The following NDUFA7 variants were observed in gnomAD, a reference collection of about 807,000 sequenced individuals.
NDUFA7 encodes the protein NADH:ubiquinone oxidoreductase subunit A7, also known as NADH dehydrogenase [ubiquinone] 1 alpha subcomplex subunit 7.
A neutral mutation model predicts 14.2 loss-of-function variants in NDUFA7; 18 were observed. The ratio of observed to expected loss-of-function variants is 1.27; its 90% CI spans 0.88 to 1.88. The LOEUF (loss-of-function observed/expected upper bound fraction) is 1.88. Among genes scored for constraint, NDUFA7 ranks in the 40% most tolerant of loss-of-function variants. The pLI is 0.00. For synonymous variants in NDUFA7, 75 were observed against 62.1 expected, an observed-to-expected ratio of 1.21 and a Z score of -0.98; for missense variants, 172 against 147.3, an observed-to-expected ratio of 1.17 and a Z score of -0.87.
chr19:8,321,349 C>A lies in NDUFA7; in HGVS notation c.10G>T (p.Ala4Ser). 6.3e-7 allele frequency: 1 copy of A among 1,576,048 alleles called. No homozygotes were observed. Among genetic ancestry groups the A allele is most frequent in the South Asian group, 1.2e-5 (1 of 86,470 alleles). The change falls in exon 1 of 4, where the codon GCC becomes TCC. Residue 4 changes from alanine to serine, a missense_variant. Physicochemically the swap from Ala to Ser is moderately conservative, Grantham distance 99. Coordinates refer to ENST00000301457, the MANE Select transcript of NDUFA7 (RefSeq NM_005001.5). ...CGCAGCCGCTGGATGAGACGGGTGGCGGACGCCATCTTCCGTCCGCGATAC... is the reference window on the plus strand; with the variant it reads ...CGCAGCCGCTGGATGAGACGGGTGGAGGACGCCATCTTCCGTCCGCGATAC... MAS[A>S]TRLIQRLRNW...
At chr19:8,320,723 T>C (rs1970292928) in intron 2 of NDUFA7, 134 bp downstream of exon 2, 4 of 1,112,622 alleles carry the variant, frequency 3.6e-6, no homozygotes, top group Middle Eastern at 2.0e-4. Flanking sequence ...GGCAAACCTC[T>C]GCCTCCACAG....
At position 8,311,330 on chromosome 19, in the gene NDUFA7, A is replaced by C; in HGVS notation, c.*175T>G. Reference sequence around the variant, plus strand: ...CAAGGCAGGAGGATCGCTTGAGGCCAGGAGTTCAAGATCAGCCTGGGAAAC... The same window carrying C: ...CAAGGCAGGAGGATCGCTTGAGGCCCGGAGTTCAAGATCAGCCTGGGAAAC... On this transcript the variant is annotated 3_prime_UTR_variant, in exon 4 of 4. Coordinates refer to ENST00000301457, the MANE Select transcript of NDUFA7 (RefSeq NM_005001.5). 1 of 486,434 alleles carries C rather than the reference A, an allele frequency of 2.1e-6. No individual in the cohort carries two copies. The highest frequency in any genetic ancestry group is 3.6e-6 in the Non-Finnish European group (1 of 277,742). 30.1% of individuals were successfully genotyped at this position (486,434 alleles called of 1,614,324 possible).
At chr19:8,312,106 T>A (rs1046980662) in intron 3 of NDUFA7, among the ~76,000 whole-genome samples, 1 of 152,120 alleles carries the variant, frequency 6.6e-6, no homozygotes, top group African/African-American at 2.4e-5. Flanking sequence ...TGAGAATCCA[T>A]GCGCAAATGG....
chr19:8,308,734 T>A (rs142566979), downstream of NDUFA7: 1 of 226,266 alleles, frequency 4.4e-6, no homozygotes, highest in South Asian at 5.7e-5. Context: ...CGAGTCCCCA[T>A]AGAATGCTAG....
At chr19:8,314,194 G>A (rs939354997) in intron 3 of NDUFA7, among the ~76,000 whole-genome samples, 10 of 152,136 alleles carry the variant, frequency 6.6e-5, no homozygotes, top group Non-Finnish European at 1.2e-4. Context: ...GGTGGCATGC[G>A]CCTGTAATCC....
At position 8,318,599 on chromosome 19, in the gene NDUFA7, G is replaced by A. The variant is rs537466116; in HGVS notation, c.102-1954C>T. 3.0e-4 allele frequency among the ~76,000 whole-genome samples: 43 copies of A among 144,116 alleles called. No homozygotes were observed. The South Asian group carries it at 8.6e-3, about 29-fold the overall frequency. 94.5% of individuals were successfully genotyped at this position (144,116 alleles called of 152,430 possible). On this transcript the variant is annotated intron_variant, in intron 2 of 3. Coordinates refer to ENST00000301457, the MANE Select transcript of NDUFA7 (RefSeq NM_005001.5). ...GAGGATCACTTAGGCCTGGAAGTTC[G>A]AGGCTGCAGTGAGCTATGATTGTGC...
chr19:8,320,910 T>G lies in NDUFA7; in HGVS notation c.52-4A>C. 3 of 1,613,252 alleles carry G rather than the reference T, an allele frequency of 1.9e-6. No individual in the cohort carries two copies. Among genetic ancestry groups the G allele is most frequent in the Non-Finnish European group, 2.5e-6 (3 of 1,179,908 alleles). ...GCAGCTTCCCCTGCAGGTCATGCTG[T>G]GGGAAGAGGAGAGGAGAGGTCGGCC... is the stretch of plus-strand genomic sequence containing the variant. On this transcript the variant is annotated splice_polypyrimidine_tract_variant and splice_region_variant and intron_variant, in intron 1 of 3. Coordinates refer to ENST00000301457, the MANE Select transcript of NDUFA7 (RefSeq NM_005001.5).
At chr19:8,317,210 C>T (rs964429514) in intron 2 of NDUFA7, among the ~76,000 whole-genome samples, 6 of 152,102 alleles carry the variant, frequency 3.9e-5, no homozygotes, top group Non-Finnish European at 2.9e-5. Context: ...GAACAGAGCT[C>T]GGTCTTGGCT....
At chr19:8,320,007 G>A (rs568755799) in intron 2 of NDUFA7, among the ~76,000 whole-genome samples, 10 of 152,102 alleles carry the variant, frequency 6.6e-5, no homozygotes, top group Non-Finnish European at 1.2e-4. Context: ...CACCACGCCC[G>A]GCTAATTTTT....
At chr19:8,316,709 C>T in intron 2 of NDUFA7, 64 bp from the exon 3 acceptor site, 1 of 1,566,140 alleles carries the variant, frequency 6.4e-7, no homozygotes, top group Non-Finnish European at 8.7e-7. Flanking sequence ...CCGCTGTGGG[C>T]CCCTGTCACC....
At position 8,312,826 on chromosome 19, in the gene NDUFA7, G is replaced by A. The variant is rs572947334; in HGVS notation, c.252-1231C>T. ...CCTACGGGTGCACACCACCACACCC[G>A]GCTAATTTTTGTATTTTTTGTAGAG... On this transcript the variant is annotated intron_variant, in intron 3 of 3. Transcript: ENST00000301457. Among the ~76,000 whole-genome samples, 50 of 152,196 alleles carry A rather than the reference G, an allele frequency of 3.3e-4. No individual in the cohort carries two copies. In the South Asian group the frequency reaches 0.01, roughly 31 times the overall value.
intron 2 of NDUFA7, chr19:8,316,866 G>A: frequency 3.7e-6 from 2 of 547,518 alleles, no homozygotes; most frequent in Non-Finnish European, 6.5e-6. Context: ...ATGTGAAGAT[G>A]CCACCCCCAG....
Position 8,320,978 on chromosome 19 carries a change from C to A in NDUFA7, c.52-72G>T, listed in dbSNP as rs1444265654. ...GAGAGGAAAGGAGAGGGCAAGGGAC[C>A]AGGGATGGTCCGGGGATGCGCATTT... is the stretch of plus-strand genomic sequence containing the variant. On this transcript the variant is annotated intron_variant, in intron 1 of 3. Coordinates refer to ENST00000301457, the MANE Select transcript of NDUFA7 (RefSeq NM_005001.5). The A allele has an allele frequency of 2.6e-6, 4 of 1,555,172 alleles. No homozygotes were observed. In the South Asian group the frequency reaches 3.3e-5, roughly 13 times the overall value.
At chr19:8,321,154 G>A in intron 1 of NDUFA7, 154 bp downstream of exon 1, 1 of 1,040,230 alleles carries the variant, frequency 9.6e-7, no homozygotes, top group Non-Finnish European at 1.4e-6. Flanking sequence ...CCAGGAGAGG[G>A]TCCCGGGCTG....
intron 3 of NDUFA7, 38 bp downstream of exon 3, chr19:8,316,458 G>A (rs1170211638): frequency 5.0e-6 from 8 of 1,608,416 alleles, no homozygotes; most frequent in Non-Finnish European, 5.1e-6. Flanking sequence ...GCAGGAGGGG[G>A]CATGGGGGCT....
downstream of NDUFA7, among the ~76,000 whole-genome samples, chr19:8,309,489 T>C (rs1050516740): frequency 4.4e-4 from 67 of 151,052 alleles, no homozygotes; most frequent in African/African-American, 1.6e-3. Context: ...AAAAAAAAAG[T>C]TGTGGTCATA....
At chr19:8,313,970 A>C (rs1970206333) in intron 3 of NDUFA7, among the ~76,000 whole-genome samples, 1 of 152,234 alleles carries the variant, frequency 6.6e-6, no homozygotes, top group African/African-American at 2.4e-5. Flanking sequence ...AGACACCTGA[A>C]ACCAGGGACC....
At chr19:8,316,808 C>T in intron 2 of NDUFA7, 163 bp from the exon 3 acceptor site, 1 of 783,004 alleles carries the variant, frequency 1.3e-6, no homozygotes, top group East Asian at 2.7e-5. Context: ...GGACATATGC[C>T]TGGGGAGGGG....
At chr19:8,315,750 T>TC (rs1238133524) in intron 3 of NDUFA7, among the ~76,000 whole-genome samples, 1 of 152,088 alleles carries the variant, frequency 6.6e-6, no homozygotes, top group African/African-American at 2.4e-5. Flanking sequence ...CTCTTTCTTT[T>TC]CCAAGTCTCT....
Sources: gnomAD v4.1 joint callset for allele counts (sites outside exome capture counted in the v4.1 genomes callset) on GRCh38, gnomAD v4.1.1 for gene constraint, MANE v1.5 for transcripts, NCBI Gene and HGNC (gene_info 2026-07-23, HGNC 2026-07-21) for gene names.